The following MTUS2 variants were observed in gnomAD, a reference collection of about 807,000 sequenced individuals.
MTUS2 encodes microtubule-associated tumor suppressor candidate 2.
Under a neutral mutation model 114.1 loss-of-function variants are expected in MTUS2, and 40 were observed. That is an observed-to-expected ratio of 0.35 (90% CI 0.27 to 0.46). The LOEUF (loss-of-function observed/expected upper bound fraction) is 0.46. Among genes scored for constraint, MTUS2 ranks in the 20% least tolerant of loss-of-function variants. MTUS2 has a pLI of 1.00. For missense variants in MTUS2, 1,679 were observed against 1,705.4 expected (o/e 0.98, Z 0.27); for synonymous variants, 688 against 672.0 (o/e 1.02, Z -0.37).
At chr13:28,897,172 C>G (rs1468605863) in intron 2 of MTUS2, among the ~76,000 whole-genome samples, 1 of 152,104 alleles carries the variant, frequency 6.6e-6, no homozygotes, top group Non-Finnish European at 1.5e-5. Context: ...GGGCTAATAT[C>G]CAGAATCTAC....
chr13:29,372,623 C>T (rs1871285551), intron 8 of MTUS2, among the ~76,000 whole-genome samples: 1 of 152,170 alleles, frequency 6.6e-6, no homozygotes, highest in Non-Finnish European at 1.5e-5. Context: ...AAGTGACAGC[C>T]ACAAGCTGCT....
chr13:29,293,363 A>G lies in MTUS2; in HGVS notation c.2806+11498A>G, dbSNP rs546859072. On this transcript the variant is annotated intron_variant, in intron 6 of 15. Transcript: ENST00000612955. ...ATATGAAAAGATATTCAAATTTACT[A>G]ATAACTAAACATATTCCCTTTTTAG... is the stretch of plus-strand genomic sequence containing the variant. Among the ~76,000 whole-genome samples, 4 of 152,200 alleles carry G rather than the reference A, an allele frequency of 2.6e-5. No individual in the cohort carries two copies. The East Asian group carries it at 5.8e-4, about 22-fold the overall frequency.
intron 4 of MTUS2, among the ~76,000 whole-genome samples, chr13:29,054,549 A>T (rs192128009): frequency 1.3e-5 from 2 of 152,056 alleles, no homozygotes. Flanking sequence ...TGGGTACAGA[A>T]CGTCAGTTTT....
chr13:29,133,719 T>C (rs1414433945), intron 5 of MTUS2, among the ~76,000 whole-genome samples: 1 of 152,238 alleles, frequency 6.6e-6, no homozygotes, highest in African/African-American at 2.4e-5. Context: ...ATGTCTATCT[T>C]TTTGCAGTAC....
chr13:29,140,225 A>T (rs1011698158), intron 5 of MTUS2, among the ~76,000 whole-genome samples: 2 of 152,224 alleles, frequency 1.3e-5, no homozygotes, highest in Admixed American at 1.3e-4. Flanking sequence ...GAATAAATGA[A>T]GAAAAACGTT....
intron 8 of MTUS2, among the ~76,000 whole-genome samples, chr13:29,388,998 C>A (rs1003284199): frequency 6.6e-6 from 1 of 151,998 alleles, no homozygotes; most frequent in Non-Finnish European, 1.5e-5. Context: ...ATGGGCCCAC[C>A]CACATCCATC....
chr13:28,908,134 ATTTC>A (rs1432348318), intron 2 of MTUS2, among the ~76,000 whole-genome samples: 2 of 151,102 alleles, frequency 1.3e-5, no homozygotes, highest in Non-Finnish European at 2.9e-5. Context: ...TTCAGCAACT[ATTTC>A]TTTCTTTGTT....
chr13:28,848,239 A>G (rs911773221), intron 2 of MTUS2, among the ~76,000 whole-genome samples: 1 of 152,228 alleles, frequency 6.6e-6, no homozygotes, highest in African/African-American at 2.4e-5. Flanking sequence ...CTATTGGTAT[A>G]GCCCAATATA....
chr13:28,820,107 A>G (rs1032301554), upstream of MTUS2, among the ~76,000 whole-genome samples: 11 of 146,318 alleles, frequency 7.5e-5, no homozygotes, highest in Non-Finnish European at 1.5e-4. Context: ...CGCGCTGCGA[A>G]GGTTGGGCTG....
rs111599354 is a variant in MTUS2, at chr13:29,353,271, C to A, written c.2906-5991C>A. ...TGCAGCCTCAACTTCCCTGGCTCAA[C>A]CGATCCTCCCACATCAGTCTCCCAA... On this transcript the variant is annotated intron_variant, in intron 7 of 15. Transcript: ENST00000612955. Among the ~76,000 whole-genome samples, 644 of 152,244 alleles carry A rather than the reference C, an allele frequency of 4.2e-3. 8 individuals are homozygous for A. Among genetic ancestry groups the A allele is most frequent in the African/African-American group, 0.015 (619 of 41,538 alleles).
At chr13:29,284,412 A>AG (rs1684275190) in intron 6 of MTUS2, among the ~76,000 whole-genome samples, 3 of 152,048 alleles carry the variant, frequency 2.0e-5, no homozygotes, top group African/African-American at 7.2e-5. Flanking sequence ...TAAAAAAAAA[A>AG]AATGATGGCC....
chr13:29,306,146 T>C (rs1420792633), intron 6 of MTUS2, among the ~76,000 whole-genome samples: 1 of 152,170 alleles, frequency 6.6e-6, no homozygotes, highest in African/African-American at 2.4e-5. Context: ...CTCAGAATAA[T>C]AAGAACCATA....
chr13:29,435,423 A>G (rs1005339816), intron 8 of MTUS2, among the ~76,000 whole-genome samples: 1 of 152,152 alleles, frequency 6.6e-6, no homozygotes, highest in Non-Finnish European at 1.5e-5. Context: ...GGCCTTGATC[A>G]TATTTCAGTC....
At chr13:29,053,695 T>C (rs1334603292) in intron 4 of MTUS2, among the ~76,000 whole-genome samples, 1 of 152,240 alleles carries the variant, frequency 6.6e-6, no homozygotes, top group Non-Finnish European at 1.5e-5. Flanking sequence ...CTGGTGTCTG[T>C]CACTCATCAT....
chr13:29,420,606 T>A, intron 8 of MTUS2, among the ~76,000 whole-genome samples: 1 of 152,126 alleles, frequency 6.6e-6, no homozygotes, highest in East Asian at 1.9e-4. Flanking sequence ...AAGAGTCACA[T>A]TGTTTGTTGA....
chr13:28,918,362 T>C (rs1254500070), intron 2 of MTUS2, among the ~76,000 whole-genome samples: 1 of 151,996 alleles, frequency 6.6e-6, no homozygotes, highest in Non-Finnish European at 1.5e-5. Flanking sequence ...GCTCTATCAC[T>C]GGGATATTTG....
At chr13:28,948,967 A>C (rs1352905769) in intron 2 of MTUS2, among the ~76,000 whole-genome samples, 1 of 152,166 alleles carries the variant, frequency 6.6e-6, no homozygotes, top group Admixed American at 6.5e-5. Flanking sequence ...AAATCTCAGA[A>C]GTTGCTTAAC....
intron 5 of MTUS2, among the ~76,000 whole-genome samples, chr13:29,124,250 T>C (rs960702992): frequency 6.6e-6 from 1 of 152,124 alleles, no homozygotes; most frequent in African/African-American, 2.4e-5. Flanking sequence ...CATAGATTAG[T>C]GGAGGAGGAT....
At chr13:28,992,134 G>T (rs779217028) in intron 2 of MTUS2, among the ~76,000 whole-genome samples, 1 of 152,094 alleles carries the variant, frequency 6.6e-6, no homozygotes, top group South Asian at 2.1e-4. Flanking sequence ...ACCTCTTCTG[G>T]CCTGAAACTT....
Sources: allele counts gnomAD v4.1 joint callset (sites outside exome capture counted in the v4.1 genomes callset), GRCh38; gene constraint gnomAD v4.1.1; transcripts MANE v1.5; gene names NCBI Gene and HGNC (gene_info 2026-07-23, HGNC 2026-07-21).